The following USP34 variants were observed in gnomAD, a reference collection of about 807,000 sequenced individuals.
USP34 encodes ubiquitin carboxyl-terminal hydrolase 34.
In USP34, 70 loss-of-function variants were observed where a neutral mutation model predicts 460.3. The observed-to-expected ratio is 0.15, with a 90% CI of 0.13 to 0.19. USP34 has a LOEUF of 0.19. Among genes scored for constraint, USP34 ranks in the 10% least tolerant of loss-of-function variants. The pLI is 1.00. For missense variants in USP34, 3,985 were observed against 4,236.2 expected, an observed-to-expected ratio of 0.94 and a Z score of 1.65; for synonymous variants, 1,647 against 1,405.3, an observed-to-expected ratio of 1.17 and a Z score of -3.85.
intron 65 of USP34, among the ~76,000 whole-genome samples, chr2:61,222,344 A>G (rs568468485): frequency 8.5e-5 from 13 of 152,348 alleles, no homozygotes; most frequent in East Asian, 5.8e-4. Context: ...CAATTAGGAT[A>G]TATGTTCCCA....
At chr2:61,232,652 A>G (rs1160731817) in intron 57 of USP34, 120 bp from the exon 58 acceptor site, 9 of 831,270 alleles carry the variant, frequency 1.1e-5, no homozygotes, top group Non-Finnish European at 1.7e-5. Flanking sequence ...TCTTACCAGA[A>G]AAGTTTCTCT....
Position 61,187,716 on chromosome 2 carries a change from G to A in USP34, c.*386C>T, listed in dbSNP as rs1213127394. On this transcript the variant is annotated 3_prime_UTR_variant, in exon 80 of 80. Transcript: ENST00000398571. ...GATAATAAGAACCACAGCGATCGGAGGCAATCTGCCTCTATAAGGTACAAA... is the reference window on the plus strand; with the variant it reads ...GATAATAAGAACCACAGCGATCGGAAGCAATCTGCCTCTATAAGGTACAAA... The A allele has an allele frequency of 2.2e-6, 1 of 452,644 alleles. No homozygotes were observed. 28.0% of individuals were successfully genotyped at this position (452,644 alleles called of 1,614,324 possible).
chr2:61,296,762 A>T (rs201670834), intron 30 of USP34, 38 bp downstream of exon 30: 7 of 1,588,868 alleles, frequency 4.4e-6, no homozygotes, highest in Non-Finnish European at 6.0e-6. Context: ...TAAACTGGTA[A>T]CAGCCTCTAG....
At chr2:61,207,182 C>A in intron 70 of USP34, 1 of 213,530 alleles carries the variant, frequency 4.7e-6, no homozygotes. Context: ...TTCAAAATTA[C>A]AAAGCAGTAG....
intron 53 of USP34, among the ~76,000 whole-genome samples, chr2:61,239,565 G>A (rs1688185163): frequency 6.6e-6 from 1 of 152,116 alleles, no homozygotes; most frequent in Non-Finnish European, 1.5e-5. Context: ...TGATGATTGA[G>A]ATAAATTTTT....
intron 1 of USP34, among the ~76,000 whole-genome samples, chr2:61,445,221 C>T (rs1443862810): frequency 1.6e-5 from 1 of 61,218 alleles, no homozygotes; most frequent in African/African-American, 7.7e-5. Flanking sequence ...CAGAACCACA[C>T]TAAAAAAAAA....
intron 10 of USP34, among the ~76,000 whole-genome samples, chr2:61,356,325 T>TA (rs1473271392): frequency 1.3e-5 from 2 of 152,028 alleles, no homozygotes; most frequent in Admixed American, 6.6e-5. Context: ...CTGTCTCTAC[T>TA]AAAAAATACA....
rs61651654 is a variant in USP34, at chr2:61,262,088, C to CAAAA, written c.5779-2316_5779-2313dup. Among the ~76,000 whole-genome samples the CAAAA allele has an allele frequency of 1.0e-3, 48 of 46,808 alleles. 1 individual carries two copies. Among genetic ancestry groups the CAAAA allele is most frequent in the Middle Eastern group, 0.018 (1 of 56 alleles). The allele number at this position is 46,808 out of a possible 152,430, so 30.7% of individuals were successfully genotyped here. The stretch of plus-strand genomic sequence containing the variant: ...CTTGGGTAACAAAGCAAGACTTCGT[C>CAAAA]AAAAAAAAAAAAAAAAAAAAAAAAA... On this transcript the variant is annotated intron_variant, in intron 43 of 79. Coordinates refer to ENST00000398571, the MANE Select transcript of USP34 (RefSeq NM_014709.4).
chr2:61,419,759 A>C (rs545522718), intron 2 of USP34, among the ~76,000 whole-genome samples: 2 of 152,282 alleles, frequency 1.3e-5, no homozygotes, highest in Admixed American at 1.3e-4. Context: ...TTTCTCAGCA[A>C]ATCATTGTGG....
intron 53 of USP34, among the ~76,000 whole-genome samples, chr2:61,240,734 C>CAGCT (rs1192595904): frequency 6.6e-6 from 1 of 151,942 alleles, no homozygotes; most frequent in Admixed American, 6.6e-5. Flanking sequence ...CCAATACACC[C>CAGCT]AGCTAATCTT....
In USP34 at chr2:61,295,719, G is replaced by GT. The variant is rs201020587; in HGVS notation, c.4255-430dup. Among the ~76,000 whole-genome samples the GT allele has an allele frequency of 6.9e-3, 1,049 of 152,258 alleles. 10 individuals are homozygous for GT. Among genetic ancestry groups the GT allele is most frequent in the African/African-American group, 0.024 (982 of 41,550 alleles). ...TTCTACTGTCAATTCATGAAATAATGTAATTCACACTTAATGTGCATCTTT... is the reference window on the plus strand; with the variant it reads ...TTCTACTGTCAATTCATGAAATAATGTTAATTCACACTTAATGTGCATCTTT... On this transcript the variant is annotated intron_variant, in intron 30 of 79. Transcript: ENST00000398571.
intron 1 of USP34, among the ~76,000 whole-genome samples, chr2:61,464,200 T>C (rs1287537522): frequency 1.3e-5 from 2 of 152,112 alleles, no homozygotes; most frequent in South Asian, 2.1e-4. Flanking sequence ...GCGCCTCTAA[T>C]TCCAGCTACT....
intron 41 of USP34, among the ~76,000 whole-genome samples, chr2:61,273,544 C>T (rs750632651): frequency 6.6e-6 from 1 of 152,076 alleles, no homozygotes; most frequent in African/African-American, 2.4e-5. Context: ...CATGGTGAAA[C>T]CCTTCTCTAT....
intron 1 of USP34, among the ~76,000 whole-genome samples, chr2:61,458,088 T>C (rs892867346): frequency 1.3e-5 from 2 of 152,112 alleles, no homozygotes; most frequent in African/African-American, 4.8e-5. Context: ...GTAGTAACAG[T>C]TGCAATCATA....
In USP34 at chr2:61,348,444, T is replaced by C. The variant is rs1222544344; in HGVS notation, c.1711A>G (p.Ser571Gly). ...MQGSSDETAN[S>G]GEDGSSGPGS... The stretch of plus-strand genomic sequence containing the variant: ...GGACCACTGCTTCCATCTTCACCAC[T>C]GTTGGCAGTTTCGTCAGAACTTCCC... Residue 571 changes from serine to glycine, a missense_variant, in exon 15 of 80, where the codon AGT becomes GGT. Physicochemically the swap from Ser to Gly is moderately conservative, Grantham distance 56. Around this residue, in one of 14 missense-constraint regions of USP34, gnomAD observed 716 missense variants for 626.2 expected, o/e 1.14. Transcript: ENST00000398571. The C allele has an allele frequency of 3.1e-6, 5 of 1,613,274 alleles. No homozygotes were observed. Among genetic ancestry groups the C allele is most frequent in the Non-Finnish European group, 4.2e-6 (5 of 1,179,776 alleles).
chr2:61,249,755 T>C lies in USP34; in HGVS notation c.6222-1072A>G, dbSNP rs577426125. 6.3e-4 allele frequency: 98 copies of C among 154,678 alleles called. 1 individual carries two copies. The highest frequency in any genetic ancestry group is 1.2e-3 in the Admixed American group (19 of 15,400). 9.6% of individuals were successfully genotyped at this position (154,678 alleles called of 1,614,324 possible). A position where few individuals can be genotyped will look rare whatever the true frequency, so the allele number is the denominator to read the frequency against. On this transcript the variant is annotated intron_variant, in intron 48 of 79. Coordinates refer to ENST00000398571, the MANE Select transcript of USP34 (RefSeq NM_014709.4). The stretch of plus-strand genomic sequence containing the variant: ...CAGGGCTCCTGGCAGAATTACACTT[T>C]AGCAATAATAGGAATGGGGGCAGTG...
chr2:61,327,012 C>T (rs1485596327), intron 20 of USP34, among the ~76,000 whole-genome samples: 1 of 151,974 alleles, frequency 6.6e-6, no homozygotes, highest in Non-Finnish European at 1.5e-5. Flanking sequence ...TCTCTAACTC[C>T]TGACCTCAGG....
chr2:61,464,238 G>A (rs186699695), intron 1 of USP34, among the ~76,000 whole-genome samples: 1 of 152,250 alleles, frequency 6.6e-6, no homozygotes, highest in Non-Finnish European at 1.5e-5. Context: ...AGAATCACTT[G>A]AAGCAAGGAG....
In USP34 at chr2:61,438,904, T is replaced by TTATA. The variant is rs199757308; in HGVS notation, c.44-18075_44-18072dup. On this transcript the variant is annotated intron_variant, in intron 1 of 79. Transcript: ENST00000398571. ...GTTTGCAGCTGCAGATGACATGACC[T>TTATA]TATATATAGTAAAACCTATGCTCCA... Among the ~76,000 whole-genome samples, 521 of 152,258 alleles carry TTATA rather than the reference T, an allele frequency of 3.4e-3. 2 individuals are homozygous for TTATA. Among genetic ancestry groups the TTATA allele is most frequent in the African/African-American group, 0.011 (448 of 41,530 alleles).
Sources: allele counts gnomAD v4.1 joint callset (sites outside exome capture counted in the v4.1 genomes callset), GRCh38; gene constraint gnomAD v4.1.1; regional missense constraint gnomAD v4.1.1; transcripts MANE v1.5; gene names NCBI Gene and HGNC (gene_info 2026-07-23, HGNC 2026-07-21).